Variants in ARID4B observed in about 807,000 individuals in gnomAD.
The protein encoded by ARID4B is AT-rich interactive domain-containing protein 4B.
Under a neutral mutation model 147.5 loss-of-function variants are expected in ARID4B, and 26 were observed. The ratio of observed to expected loss-of-function variants is 0.18; its 90% CI spans 0.13 to 0.24. The LOEUF is 0.24. Ranked by LOEUF, ARID4B falls within the 10% of genes least tolerant of loss-of-function variation. The pLI, the probability that ARID4B is intolerant of heterozygous loss-of-function variation, is 1.00. For synonymous variants in ARID4B, 512 were observed against 507.9 expected, an observed-to-expected ratio of 1.01 and a Z score of -0.11; for missense variants, 1,179 against 1,511.5, an observed-to-expected ratio of 0.78 and a Z score of 3.65.
chr1:235,234,744 T>C (rs1348620522), intron 8 of ARID4B, among the ~76,000 whole-genome samples: 1 of 152,200 alleles, frequency 6.6e-6, no homozygotes, highest in African/African-American at 2.4e-5. Context: ...AGCACAGCTA[T>C]GACTAGGATG....
At chr1:235,193,408 G>A (rs760707732) in intron 19 of ARID4B, among the ~76,000 whole-genome samples, 3 of 152,146 alleles carry the variant, frequency 2.0e-5, no homozygotes, top group Non-Finnish European at 2.9e-5. Context: ...AAGAAACAGA[G>A]ATCATAATAG....
At chr1:235,255,265 A>AGATAGATCTATCTATCTATCTATCTATC (rs1239708915) in intron 5 of ARID4B, among the ~76,000 whole-genome samples, 1 of 64,582 alleles carries the variant, frequency 1.5e-5, no homozygotes. Context: ...ATAGATAGAT[A>AGATAGATCTATCTATCTATCTATCTATC]TATATCTCTC....
At chr1:235,231,262 T>A in intron 9 of ARID4B, 73 bp from the exon 10 acceptor site, 1 of 780,634 alleles carries the variant, frequency 1.3e-6, no homozygotes, top group East Asian at 2.8e-5. Flanking sequence ...AGAATCCAGA[T>A]GATTACATAT....
At chr1:235,215,792 T>C (rs1223339247) in intron 16 of ARID4B, among the ~76,000 whole-genome samples, 1 of 151,880 alleles carries the variant, frequency 6.6e-6, no homozygotes, top group Non-Finnish European at 1.5e-5. Flanking sequence ...TCTCACTATG[T>C]TGTTTAGGCT....
At chr1:235,250,588 G>T (rs1669581575) in intron 6 of ARID4B, among the ~76,000 whole-genome samples, 1 of 152,136 alleles carries the variant, frequency 6.6e-6, no homozygotes. Flanking sequence ...TCCTCCAACA[G>T]GGAGTAAGTA....
In ARID4B at chr1:235,291,415, T is replaced by TAATA. The variant is rs932251120; in HGVS notation, c.7-30667_7-30664dup. Among the ~76,000 whole-genome samples, 54 of 151,278 alleles carry TAATA rather than the reference T, an allele frequency of 3.6e-4. 2 individuals carry two copies. Among genetic ancestry groups the TAATA allele is most frequent in the East Asian group, 2.1e-3 (11 of 5,158 alleles). ...AGAGCAAGACTCTGTCTCAAAAAAA[T>TAATA]AATAAATAAATAAATAAATAAAATA... On this transcript the variant is annotated intron_variant, in intron 2 of 23. Coordinates refer to ENST00000264183, the MANE Select transcript of ARID4B (RefSeq NM_016374.6).
intron 2 of ARID4B, among the ~76,000 whole-genome samples, chr1:235,285,729 G>A (rs1239512126): frequency 6.6e-6 from 1 of 152,196 alleles, no homozygotes; most frequent in Non-Finnish European, 1.5e-5. Flanking sequence ...GTAACCAATA[G>A]GTGGTTTTAG....
chr1:235,196,360 T>G (rs1257217806), intron 17 of ARID4B, among the ~76,000 whole-genome samples: 1 of 152,150 alleles, frequency 6.6e-6, no homozygotes, highest in Non-Finnish European at 1.5e-5. Context: ...ATCTCATGAT[T>G]CCTCAACTAG....
intron 2 of ARID4B, among the ~76,000 whole-genome samples, chr1:235,320,199 G>A (rs1674728633): frequency 6.6e-6 from 1 of 152,006 alleles, no homozygotes; most frequent in Admixed American, 6.6e-5. Context: ...CAGCTACAGG[G>A]GAGTCTGGGG....
chr1:235,249,722 ACGAGGTCAAGAGAT>A (rs1463334198), intron 6 of ARID4B, among the ~76,000 whole-genome samples: 2 of 151,888 alleles, frequency 1.3e-5, no homozygotes, highest in East Asian at 3.9e-4. Context: ...CGGGCGTATC[ACGAGGTCAAGAGAT>A]CGAGGTCAGC....
chr1:235,287,852 C>T (rs1183011464), intron 2 of ARID4B, among the ~76,000 whole-genome samples: 2 of 152,228 alleles, frequency 1.3e-5, no homozygotes, highest in East Asian at 1.9e-4. Context: ...TTCCCACATC[C>T]CTCGGGGACA....
chr1:235,256,912 C>G (rs1257987744), intron 4 of ARID4B, among the ~76,000 whole-genome samples: 2 of 152,114 alleles, frequency 1.3e-5, no homozygotes, highest in Non-Finnish European at 2.9e-5. Flanking sequence ...GACAGCATCT[C>G]ATGCTGTCCC....
At chr1:235,185,974 G>A (rs951246453) in intron 19 of ARID4B, among the ~76,000 whole-genome samples, 2 of 130,310 alleles carry the variant, frequency 1.5e-5, no homozygotes, top group African/African-American at 5.0e-5. Context: ...TTAGTTATTT[G>A]CTTTTTTTTT....
chr1:235,281,423 T>A (rs1258490215), intron 2 of ARID4B, among the ~76,000 whole-genome samples: 1 of 152,080 alleles, frequency 6.6e-6, no homozygotes, highest in African/African-American at 2.4e-5. Flanking sequence ...TGGTGGTGCA[T>A]GCTTGTAGTC....
chr1:235,323,132 C>T (rs1674965899), intron 2 of ARID4B, among the ~76,000 whole-genome samples: 1 of 151,566 alleles, frequency 6.6e-6, no homozygotes, highest in Admixed American at 6.6e-5. Flanking sequence ...CCTCCACCTC[C>T]TAGGTTCAAG....
chr1:235,221,553 A>T lies in ARID4B; in HGVS notation c.1163+12T>A. The T allele has an allele frequency of 6.8e-7, 1 of 1,461,096 alleles. No individual in the cohort carries two copies. The highest frequency in any genetic ancestry group is 9.5e-7 in the Non-Finnish European group (1 of 1,051,176). The allele number at this position is 1,461,096 out of a possible 1,614,324, so 90.5% of individuals were successfully genotyped here. ...AATACTGAAGATAATCATATCAATTATACTAACTTACTTTTTATAAGCACA... is the reference window on the plus strand; with the variant it reads ...AATACTGAAGATAATCATATCAATTTTACTAACTTACTTTTTATAAGCACA... On this transcript the variant is annotated intron_variant, in intron 14 of 23. Transcript: ENST00000264183.
At chr1:235,225,592 T>C (rs1667774630) in intron 11 of ARID4B, among the ~76,000 whole-genome samples, 1 of 152,180 alleles carries the variant, frequency 6.6e-6, no homozygotes, top group African/African-American at 2.4e-5. Flanking sequence ...AAATAGGCTA[T>C]GGAGCCTACT....
At chr1:235,315,442 T>C (rs753406868) in intron 2 of ARID4B, among the ~76,000 whole-genome samples, 5 of 152,114 alleles carry the variant, frequency 3.3e-5, no homozygotes, top group Non-Finnish European at 7.4e-5. Context: ...AAAAAATAAA[T>C]TATCTGTCCC....
chr1:235,223,979 T>C (rs1667669454), intron 12 of ARID4B, among the ~76,000 whole-genome samples: 1 of 152,192 alleles, frequency 6.6e-6, no homozygotes, highest in Non-Finnish European at 1.5e-5. Context: ...AAAGACATTT[T>C]ATATTGAAAA....
Sources: allele counts gnomAD v4.1 joint callset (sites outside exome capture counted in the v4.1 genomes callset), GRCh38; gene constraint gnomAD v4.1.1; transcripts MANE v1.5; gene names NCBI Gene and HGNC (gene_info 2026-07-23, HGNC 2026-07-21).